Variants in EFCC1 observed in about 807,000 individuals in gnomAD.
EFCC1 encodes EF-hand and coiled-coil domain-containing protein 1.
Under a neutral mutation model 52.1 loss-of-function variants are expected in EFCC1, and 50 were observed. That is an observed-to-expected ratio of 0.96 (90% CI 0.76 to 1.21). The LOEUF (loss-of-function observed/expected upper bound fraction) is 1.21, where lower values mean the gene tolerates loss of function less well. EFCC1 is among the 50% of genes most tolerant of loss of function. The pLI, the probability that EFCC1 is intolerant of heterozygous loss-of-function variation, is 0.00. For missense variants in EFCC1, 837 were observed against 867.3 expected, an observed-to-expected ratio of 0.97 and a Z score of 0.44; for synonymous variants, 399 against 396.5, an observed-to-expected ratio of 1.01 and a Z score of -0.08.
chr3:129,017,920 G>T (rs913548102), intron 2 of EFCC1, among the ~76,000 whole-genome samples: 3 of 152,182 alleles, frequency 2.0e-5, no homozygotes, highest in African/African-American at 7.2e-5. Flanking sequence ...GAGAAGTGAA[G>T]TGAGTTCCTC....
At chr3:129,013,947 G>A (rs562518295) in intron 2 of EFCC1, among the ~76,000 whole-genome samples, 13 of 152,340 alleles carry the variant, frequency 8.5e-5, no homozygotes, top group Admixed American at 2.6e-4. Context: ...AGGAGCGACT[G>A]TCAGAATGTG....
intron 1 of EFCC1, 80 bp from the exon 2 acceptor site, chr3:129,003,714 G>A (rs957021683): frequency 1.3e-4 from 166 of 1,236,060 alleles, no homozygotes; most frequent in Non-Finnish European, 1.4e-4. Flanking sequence ...AGAGGCATGG[G>A]GCCGCCGTCG....
rs558841508 is a variant in EFCC1, at chr3:129,036,405, G to A, written c.1453-572G>A. On this transcript the variant is annotated intron_variant, in intron 5 of 7. Coordinates refer to ENST00000683648, the MANE Select transcript of EFCC1 (RefSeq NM_001377500.1). Reference sequence around the variant, plus strand: ...TGGCATGCCTGCTTTAGAAGGCAGGGGCCACAAAACACTTTGTGACTGCCT... The same window carrying A: ...TGGCATGCCTGCTTTAGAAGGCAGGAGCCACAAAACACTTTGTGACTGCCT... 1.3e-3 allele frequency among the ~76,000 whole-genome samples: 191 copies of A among 152,308 alleles called. 1 individual carries two copies. Among genetic ancestry groups the A allele is most frequent in the African/African-American group, 4.2e-3 (174 of 41,550 alleles).
intron 2 of EFCC1, among the ~76,000 whole-genome samples, chr3:129,020,850 C>G (rs1421075086): frequency 6.6e-6 from 1 of 152,142 alleles, no homozygotes; most frequent in African/African-American, 2.4e-5. Context: ...GGACACCACC[C>G]TTCTGAAGGC....
chr3:129,021,577 AAAAC>A lies in EFCC1; in HGVS notation c.981-9110_981-9107del, dbSNP rs113013740. ...CAACAAGATTGAAACTCCGTCTCAA[AAAAC>A]AAACAAACAAACAAAAAACACTGGC... is the stretch of plus-strand genomic sequence containing the variant. On this transcript the variant is annotated intron_variant, in intron 2 of 7. Transcript: ENST00000683648. Among the ~76,000 whole-genome samples, 295 of 152,228 alleles carry A rather than the reference AAAAC, an allele frequency of 1.9e-3. 1 individual carries two copies. The highest frequency in any genetic ancestry group is 6.5e-3 in the African/African-American group (271 of 41,482).
At position 129,040,115 on chromosome 3, in the gene EFCC1, G is replaced by A. The variant is rs1576788993; in HGVS notation, c.*267G>A. On this transcript the variant is annotated 3_prime_UTR_variant, in exon 8 of 8. Coordinates refer to ENST00000683648, the MANE Select transcript of EFCC1 (RefSeq NM_001377500.1). This position sits in a 1 kb window ranked among gnomAD's most constrained non-coding sequence, Gnocchi z 4.4. The stretch of plus-strand genomic sequence containing the variant: ...CCACATTAAAGCCCTGCAGTTGCTG[G>A]ATCAGCCTGCACCTGATGCTGTATC... 1.2e-5 allele frequency: 5 copies of A among 431,470 alleles called. No homozygotes were observed. The East Asian group carries it at 1.8e-4, about 16-fold the overall frequency. 26.7% of individuals were successfully genotyped at this position (431,470 alleles called of 1,614,324 possible).
At chr3:129,016,857 G>A (rs1945608329) in intron 2 of EFCC1, among the ~76,000 whole-genome samples, 1 of 152,118 alleles carries the variant, frequency 6.6e-6, no homozygotes, top group Non-Finnish European at 1.5e-5. Flanking sequence ...TGCTGTGAGT[G>A]GTTTATCAGT....
chr3:129,027,402 T>C (rs1946154531), intron 2 of EFCC1, among the ~76,000 whole-genome samples: 1 of 152,054 alleles, frequency 6.6e-6, no homozygotes, highest in Admixed American at 6.5e-5. Flanking sequence ...AAGTGCCAAG[T>C]CCACCTGACG....
intron 2 of EFCC1, among the ~76,000 whole-genome samples, chr3:129,013,107 C>T (rs146150936): frequency 6.6e-6 from 1 of 152,224 alleles, no homozygotes; most frequent in African/African-American, 2.4e-5. Flanking sequence ...CATGACCTGG[C>T]CTAAGTCAGG....
chr3:129,032,656 G>A (rs1946294519), intron 3 of EFCC1, among the ~76,000 whole-genome samples, 163 bp from the exon 4 acceptor site: 1 of 152,204 alleles, frequency 6.6e-6, no homozygotes, highest in Non-Finnish European at 1.5e-5. Context: ...AACCAGCCTT[G>A]GTGGCCTCAC....
chr3:129,019,703 G>T (rs968717857), intron 2 of EFCC1, among the ~76,000 whole-genome samples: 4 of 151,290 alleles, frequency 2.6e-5, no homozygotes, highest in Non-Finnish European at 4.4e-5. Context: ...CTGAGCACTT[G>T]ATGTAGCTAG....
chr3:129,027,810 C>A (rs1297221980), intron 2 of EFCC1, among the ~76,000 whole-genome samples: 1 of 152,034 alleles, frequency 6.6e-6, no homozygotes, highest in Admixed American at 6.5e-5. Context: ...AAAAGTTAGC[C>A]GGGCATGGTG....
intron 2 of EFCC1, among the ~76,000 whole-genome samples, chr3:129,015,503 T>G (rs1290613048): frequency 6.6e-6 from 1 of 152,028 alleles, no homozygotes; most frequent in Admixed American, 6.6e-5. Context: ...TACTTCATCC[T>G]TCGGTGAATT....
At position 129,004,017 on chromosome 3, in the gene EFCC1, A is replaced by G. The variant is rs1452606388; in HGVS notation, c.920A>G (p.Gln307Arg). Residue 307 changes from glutamine to arginine, a missense_variant, in exon 2 of 8, where the codon CAA (glutamine) becomes CGA (arginine). Coordinates refer to ENST00000683648, the MANE Select transcript of EFCC1 (RefSeq NM_001377500.1). The part of the protein sequence containing the change: ...HRVRELEALA[Q>R]QVPGLQRWVR... ...GTGCGAGAGCTGGAGGCGCTGGCGCAACAGGTGCCCGGCTTGCAGCGCTGG... is the reference window on the plus strand; with the variant it reads ...GTGCGAGAGCTGGAGGCGCTGGCGCGACAGGTGCCCGGCTTGCAGCGCTGG... The G allele has an allele frequency of 4.6e-6, 7 of 1,508,266 alleles. No individual in the cohort carries two copies. Among genetic ancestry groups the G allele is most frequent in the Middle Eastern group, 4.6e-4 (2 of 4,310 alleles). The allele number at this position is 1,508,266 out of a possible 1,614,324, so 93.4% of individuals were successfully genotyped here.
At chr3:129,028,073 A>G (rs1432531505) in intron 2 of EFCC1, among the ~76,000 whole-genome samples, 1 of 151,240 alleles carries the variant, frequency 6.6e-6, no homozygotes, top group Non-Finnish European at 1.5e-5. Context: ...ATTTTCAGCC[A>G]TTTCATTCTT....
chr3:129,030,878 CCA>C lies in EFCC1; in HGVS notation c.1138+19_1138+20del. Reference sequence around the variant, plus strand: ...GGATGAAGGTTTGTCCCCTGTGCGCCCAGTCTTCCTGCCAGGCTCACAGTCCC... The same window carrying C: ...GGATGAAGGTTTGTCCCCTGTGCGCCGTCTTCCTGCCAGGCTCACAGTCCC... On this transcript the variant is annotated intron_variant, in intron 3 of 7. Transcript: ENST00000683648. The C allele has an allele frequency of 6.5e-7, 1 of 1,542,568 alleles. No homozygotes were observed. Among genetic ancestry groups the C allele is most frequent in the Non-Finnish European group, 8.8e-7 (1 of 1,141,414 alleles).
intron 2 of EFCC1, among the ~76,000 whole-genome samples, chr3:129,021,138 G>A (rs528855932): frequency 5.9e-5 from 9 of 152,304 alleles, no homozygotes; most frequent in African/African-American, 2.2e-4. Context: ...GGCAGATCCT[G>A]TATGACCAAG....
intron 4 of EFCC1, among the ~76,000 whole-genome samples, chr3:129,033,577 T>C (rs969319930): frequency 1.3e-5 from 2 of 152,338 alleles, no homozygotes; most frequent in Admixed American, 6.5e-5. Context: ...TATTAATGTA[T>C]GGTAAAATGC....
At position 129,002,378 on chromosome 3, in the gene EFCC1, A is replaced by T. The variant is rs374363768; in HGVS notation, c.696+54A>T. ...TAACGCCCGGGAGAGGGCTCGAACTAAAAGCTGGCTGGCTGCGGAGCCCGA... is the reference window on the plus strand; with the variant it reads ...TAACGCCCGGGAGAGGGCTCGAACTTAAAGCTGGCTGGCTGCGGAGCCCGA... On this transcript the variant is annotated intron_variant, in intron 1 of 7. Transcript: ENST00000683648. 9.5e-5 allele frequency: 141 copies of T among 1,483,132 alleles called. No homozygotes were observed. In the South Asian group the frequency reaches 9.6e-4, roughly 10 times the overall value. The allele number at this position is 1,483,132 out of a possible 1,614,324, so 91.9% of individuals were successfully genotyped here.
Sources: gnomAD v4.1 joint callset for allele counts (sites outside exome capture counted in the v4.1 genomes callset) on GRCh38, gnomAD v4.1.1 for gene constraint, Gnocchi (gnomAD v3.1) non-coding constraint, MANE v1.5 for transcripts, NCBI Gene and HGNC (gene_info 2026-07-23, HGNC 2026-07-21) for gene names.